The following TRAF4 variants were observed in gnomAD, a reference collection of about 807,000 sequenced individuals.
TRAF4 encodes TNF receptor-associated factor 4.
In TRAF4, 9 loss-of-function variants were observed where a neutral mutation model predicts 47.3. That is an observed-to-expected ratio of 0.19 (90% confidence interval 0.11 to 0.33). The LOEUF is 0.33. Among genes scored for constraint, TRAF4 ranks in the 10% least tolerant of loss-of-function variants. The pLI is 1.00. For synonymous variants in TRAF4, 236 were observed against 236.9 expected, an observed-to-expected ratio of 1.00 and a Z score of 0.04; for missense variants, 448 against 620.3, an observed-to-expected ratio of 0.72 and a Z score of 2.95.
At position 28,748,345 on chromosome 17, in the gene TRAF4, G is replaced by A. The variant is rs2034548312; in HGVS notation, c.546G>A (p.Gln182=). 6.2e-7 allele frequency: 1 copy of A among 1,613,288 alleles called. No individual in the cohort carries two copies. The highest frequency in any genetic ancestry group is 8.5e-7 in the Non-Finnish European group (1 of 1,179,932). ...GCATGATGCGGCGGCTGCTGGCCCA[G>A]CATGCCACCTCTGAGTGCCCCAAGC... ...GARMMRRLLA[Q]HATSECPKRT... is the part of the protein sequence containing the mutation. The change falls in exon 5 of 7, where the codon CAG becomes CAA. Residue 182 remains glutamine (Q), a synonymous_variant. Coordinates refer to ENST00000262395, the MANE Select transcript of TRAF4 (RefSeq NM_004295.4).
chr17:28,748,423 G>C lies in TRAF4; in HGVS notation c.624G>C (p.Gln208His). The C allele has an allele frequency of 1.2e-6, 2 of 1,606,184 alleles. No individual in the cohort carries two copies. Among genetic ancestry groups the C allele is most frequent in the Non-Finnish European group, 1.7e-6 (2 of 1,173,816 alleles). Residue 208 changes from glutamine (Q) to histidine (H), a missense_variant and splice_region_variant, in exon 5 of 7, where the codon CAG becomes CAC. Coordinates refer to ENST00000262395, the MANE Select transcript of TRAF4 (RefSeq NM_004295.4). ...CTKEFVFDTI[Q>H]SHQYQCPRLP... ...AGGAGTTCGTCTTTGACACCATCCA[G>C]GTGAGGCCTTCCCTGAACTGTGGGT...
rs370893083 is a variant in TRAF4 at position 28,749,424 on chromosome 17, A to G, written c.1260A>G (p.Pro420=). ...CAAACTGGAAGAATTTCCAGAAGCC[A>G]GGCACGTGGCGGGGCTCCCTGGATG... is the stretch of plus-strand genomic sequence containing the variant. ...PDPNWKNFQK[P]GTWRGSLDES... is the part of the protein sequence containing the mutation. The change falls in exon 7 of 7, where the codon CCA becomes CCG. Residue 420 remains proline (P), a synonymous_variant. Coordinates refer to ENST00000262395, the MANE Select transcript of TRAF4 (RefSeq NM_004295.4). The G allele has an allele frequency of 1.2e-4, 188 of 1,613,994 alleles. No individual in the cohort carries two copies. The highest frequency in any genetic ancestry group is 4.5e-4 in the Admixed American group (27 of 60,028).
At chr17:28,744,301 G>A (rs753918533) in intron 1 of TRAF4, 46 bp downstream of exon 1, 1 of 1,468,206 alleles carries the variant, frequency 6.8e-7, no homozygotes, top group South Asian at 1.2e-5. Context: ...GCGGGGCGGG[G>A]GGCGCCGCCT....
chr17:28,745,546 C>G (rs1272725683), intron 1 of TRAF4: 1 of 28,378 alleles, frequency 3.5e-5, no homozygotes, highest in East Asian at 6.4e-4. Flanking sequence ...CCACCACCTT[C>G]TTGGCCCCCC....
intron 6 of TRAF4, 72 bp from the exon 7 acceptor site, chr17:28,748,868 ACTCCT>A (rs2034557079): frequency 6.6e-7 from 1 of 1,515,972 alleles, no homozygotes; most frequent in Non-Finnish European, 8.8e-7. Flanking sequence ...CCCTGTACCC[ACTCCT>A]CTCCTCTCCC....
chr17:28,747,337 G>GCTGC, intron 2 of TRAF4, 73 bp downstream of exon 2: 1 of 1,560,308 alleles, frequency 6.4e-7, no homozygotes, highest in Non-Finnish European at 8.7e-7. Flanking sequence ...CTGGCAGCCA[G>GCTGC]TGGGCTCAGG....
chr17:28,744,411 AG>A (rs2034475741), intron 1 of TRAF4, among the ~76,000 whole-genome samples, 156 bp downstream of exon 1: 1 of 146,222 alleles, frequency 6.8e-6, no homozygotes. Context: ...GATGACGTCA[AG>A]CCCCGAGGGA....
At chr17:28,747,151 G>T (rs964664578) in intron 1 of TRAF4, 62 bp from the exon 2 acceptor site, 21 of 1,573,692 alleles carry the variant, frequency 1.3e-5, no homozygotes, top group Admixed American at 5.2e-5. Flanking sequence ...AGTGGAGGGG[G>T]TGGGGCCAGG....
Position 28,748,674 on chromosome 17 carries a change from G to T in TRAF4, c.780+8G>T, listed in dbSNP as rs1255642011. Reference sequence around the variant, plus strand: ...TCCGGCTGCAAGCACAGGGTGAGATGCCCCTTTTCCTGTCAGCCCCCTTTT... The same window carrying T: ...TCCGGCTGCAAGCACAGGGTGAGATTCCCCTTTTCCTGTCAGCCCCCTTTT... On this transcript the variant is annotated splice_region_variant and intron_variant, in intron 6 of 6. Transcript: ENST00000262395. 6.2e-7 allele frequency: 1 copy of T among 1,607,954 alleles called. No homozygotes were observed. Among genetic ancestry groups the T allele is most frequent in the Non-Finnish European group, 8.5e-7 (1 of 1,179,710 alleles).
chr17:28,745,055 G>A (rs1304044262), intron 1 of TRAF4: 1 of 152,404 alleles, frequency 6.6e-6, no homozygotes, highest in Admixed American at 6.5e-5. Context: ...CCGGGTGTGG[G>A]AAGCAGGGTG....
At position 28,748,653 on chromosome 17, in the gene TRAF4, G is replaced by A. The variant is rs757460687; in HGVS notation, c.767G>A (p.Gly256Asp). Reference sequence around the variant, plus strand: ...GTGCTCTGCCCATTCAAAGACTCCGGCTGCAAGCACAGGGTGAGATGCCCC... The same window carrying A: ...GTGCTCTGCCCATTCAAAGACTCCGACTGCAAGCACAGGGTGAGATGCCCC... ...ALVLCPFKDS[G>D]CKHRCPKLAM... is the part of the protein sequence containing the mutation. The change falls in exon 6 of 7, where the codon GGC becomes GAC. Residue 256 changes from glycine to aspartate, a missense_variant. Coordinates refer to ENST00000262395, the MANE Select transcript of TRAF4 (RefSeq NM_004295.4). 1 of 1,611,210 alleles carries A rather than the reference G, an allele frequency of 6.2e-7. No homozygotes were observed. The highest frequency in any genetic ancestry group is 8.5e-7 in the Non-Finnish European group (1 of 1,179,910).
At chr17:28,748,915 T>C (rs1567767621) in intron 6 of TRAF4, 30 bp from the exon 7 acceptor site, 1 of 1,586,934 alleles carries the variant, frequency 6.3e-7, no homozygotes, top group Non-Finnish European at 8.6e-7. Context: ...CTCTCCTCCC[T>C]TCCCCCATGG....
rs753497598 is a variant in TRAF4 at position 28,749,346 on chromosome 17, C to T, written c.1182C>T (p.Ser394=). The T allele has an allele frequency of 5.6e-6, 9 of 1,614,046 alleles. No homozygotes were observed. The highest frequency in any genetic ancestry group is 1.6e-4 in the Middle Eastern group (1 of 6,062). Residue 394 remains serine (S), a synonymous_variant, in exon 7 of 7, where the codon AGC becomes AGT. Transcript: ENST00000262395. ...TCACCTTCTCCCTGCTGGATCAGAG[C>T]GACCCTGGGCTGGCTAAACCACAGC... ...RRVTFSLLDQ[S]DPGLAKPQHV...
intron 6 of TRAF4, 59 bp from the exon 7 acceptor site, chr17:28,748,886 G>A (rs2034557263): frequency 6.5e-7 from 1 of 1,548,940 alleles, no homozygotes; most frequent in Non-Finnish European, 8.7e-7. Context: ...CCTCTCCCTG[G>A]ACCTCCCCCT....
chr17:28,749,881 T>A lies in TRAF4; in HGVS notation c.*304T>A, dbSNP rs1597815523. 3 of 702,176 alleles carry A rather than the reference T, an allele frequency of 4.3e-6. No homozygotes were observed. Among genetic ancestry groups the A allele is most frequent in the Non-Finnish European group, 5.2e-6 (2 of 385,786 alleles). The allele number at this position is 702,176 out of a possible 1,614,324, so 43.5% of individuals were successfully genotyped here. ...CACACTCTACACGGACTGAGGTGCC[T>A]GCTCAGGTGCTATGTCCCAAGAGCC... On this transcript the variant is annotated 3_prime_UTR_variant, in exon 7 of 7. Transcript: ENST00000262395.
chr17:28,749,750 C>T lies in TRAF4; in HGVS notation c.*173C>T. The T allele has an allele frequency of 8.9e-7, 1 of 1,118,682 alleles. No homozygotes were observed. The highest frequency in any genetic ancestry group is 1.3e-6 in the Non-Finnish European group (1 of 765,934). 69.3% of individuals were successfully genotyped at this position (1,118,682 alleles called of 1,614,324 possible). Reference sequence around the variant, plus strand: ...AGGTGCCTCCAATTGGTGCTTCAGCCCTGGCCCCTGTGGGGAACAGGTCTT... The same window carrying T: ...AGGTGCCTCCAATTGGTGCTTCAGCTCTGGCCCCTGTGGGGAACAGGTCTT... On this transcript the variant is annotated 3_prime_UTR_variant, in exon 7 of 7. Coordinates refer to ENST00000262395, the MANE Select transcript of TRAF4 (RefSeq NM_004295.4).
At chr17:28,745,924 C>T (rs1234528559) in intron 1 of TRAF4, among the ~76,000 whole-genome samples, 1 of 152,246 alleles carries the variant, frequency 6.6e-6, no homozygotes, top group Admixed American at 6.5e-5. Flanking sequence ...AGTGGACCCC[C>T]TCCCCCTGGG....
chr17:28,749,192 G>A lies in TRAF4; in HGVS notation c.1028G>A (p.Gly343Asp). The change falls in exon 7 of 7, where the codon GGT becomes GAT. Residue 343 changes from glycine (G) to aspartate (D), a missense_variant. By Grantham distance (94) the Gly-to-Asp change is moderately conservative (BLOSUM62 -1). Transcript: ENST00000262395. Reference sequence around the variant, plus strand: ...CCAGCCTTCTACACACATAAGTATGGTTACAAGCTGCAGGTGTCTGCATTC... The same window carrying A: ...CCAGCCTTCTACACACATAAGTATGATTACAAGCTGCAGGTGTCTGCATTC... Reference protein sequence around the residue: ...FSPAFYTHKYGYKLQVSAFLN... With the variant: ...FSPAFYTHKYDYKLQVSAFLN... 6.2e-7 allele frequency: 1 copy of A among 1,614,086 alleles called. No individual in the cohort carries two copies. Among genetic ancestry groups the A allele is most frequent in the South Asian group, 1.1e-5 (1 of 91,086 alleles).
chr17:28,747,537 A>C, intron 2 of TRAF4: 2 of 580,050 alleles, frequency 3.4e-6, no homozygotes, highest in Admixed American at 3.1e-5. Flanking sequence ...GGCAAGCCAG[A>C]CCTGTGGCTG....
Sources: allele counts gnomAD v4.1 joint callset (sites outside exome capture counted in the v4.1 genomes callset), GRCh38; gene constraint gnomAD v4.1.1; transcripts MANE v1.5; gene names NCBI Gene and HGNC (gene_info 2026-07-23, HGNC 2026-07-21).